Variants in TRIM24 observed in about 807,000 individuals in gnomAD.
TRIM24 encodes the protein transcription intermediary factor 1-alpha.
A neutral mutation model predicts 123.9 loss-of-function variants in TRIM24; 29 were observed. That is an observed-to-expected ratio of 0.23 (90% CI 0.17 to 0.32). The LOEUF is 0.32. TRIM24 is among the 10% of genes least tolerant of loss of function. TRIM24 has a pLI of 1.00. For synonymous variants in TRIM24, 456 were observed against 461.1 expected (o/e 0.99, Z 0.14); for missense variants, 932 against 1,295.3 (o/e 0.72, Z 4.31).
At position 138,584,951 on chromosome 7, in the gene TRIM24, AT is replaced by A; in HGVS notation, c.*1del. On this transcript the variant is annotated 3_prime_UTR_variant, in exon 19 of 19. Transcript: ENST00000343526. ...TTGAAGAACGCCAGTTGCTTAAATA[AT>A]ATGCAGCACCACTAGCTTGTGCTGG... The A allele has an allele frequency of 6.2e-7, 1 of 1,606,348 alleles. No homozygotes were observed. The highest frequency in any genetic ancestry group is 2.2e-5 in the East Asian group (1 of 44,814).
At chr7:138,483,711 T>A (rs190511658) in intron 1 of TRIM24, among the ~76,000 whole-genome samples, 1 of 152,312 alleles carries the variant, frequency 6.6e-6, no homozygotes, top group African/African-American at 2.4e-5. Context: ...GGCCACATGA[T>A]GGTTGCACTT....
intron 6 of TRIM24, among the ~76,000 whole-genome samples, chr7:138,533,198 A>C (rs150064564): frequency 0.014 from 2,105 of 152,192 alleles, 37 homozygotes; most frequent in African/African-American, 0.045. Context: ...AATTGAATAC[A>C]CTTTATTTCT....
intron 1 of TRIM24, among the ~76,000 whole-genome samples, chr7:138,490,375 C>A (rs554587747): frequency 2.0e-5 from 3 of 152,196 alleles, no homozygotes; most frequent in Non-Finnish European, 4.4e-5. Context: ...AGTTATTCTC[C>A]GTCCAGCTTT....
intron 7 of TRIM24, among the ~76,000 whole-genome samples, chr7:138,548,585 A>C (rs183709580): frequency 6.6e-6 from 1 of 152,328 alleles, no homozygotes. Flanking sequence ...CCTTACTTTT[A>C]GACTACATTA....
rs1319191639 is a variant in TRIM24 at position 138,589,389 on chromosome 7, C to T, written c.*4438C>T. On this transcript the variant is annotated 3_prime_UTR_variant, in exon 19 of 19. Transcript: ENST00000343526. Reference sequence around the variant, plus strand: ...TGGATTTTTACTGTCAATATTTTACCACAAGGATTTTTTAATAGAAAAATT... The same window carrying T: ...TGGATTTTTACTGTCAATATTTTACTACAAGGATTTTTTAATAGAAAAATT... The T allele has an allele frequency of 6.6e-6, 1 of 152,006 alleles. No homozygotes were observed. Among genetic ancestry groups the T allele is most frequent in the Non-Finnish European group, 1.5e-5 (1 of 68,000 alleles). The allele number at this position is 152,006 out of a possible 1,614,324, so 9.4% of individuals were successfully genotyped here.
At chr7:138,541,555 G>T (rs1205859025) in intron 7 of TRIM24, among the ~76,000 whole-genome samples, 1 of 152,124 alleles carries the variant, frequency 6.6e-6, no homozygotes, top group East Asian at 1.9e-4. Flanking sequence ...TTCACTTATA[G>T]AACACAAAAG....
chr7:138,576,299 G>T, intron 12 of TRIM24, 74 bp from the exon 13 acceptor site: 1 of 1,357,114 alleles, frequency 7.4e-7, no homozygotes, highest in Non-Finnish European at 1.1e-6. Flanking sequence ...GTAGTGCTAA[G>T]TGAACACATT....
chr7:138,567,448 T>G (rs754954123), intron 9 of TRIM24, 33 bp from the exon 10 acceptor site: 1 of 1,576,146 alleles, frequency 6.3e-7, no homozygotes, highest in East Asian at 2.3e-5. Flanking sequence ...AGAAGAAGAT[T>G]GTTACTAAAT....
intron 1 of TRIM24, among the ~76,000 whole-genome samples, chr7:138,498,416 G>C (rs1461353346): frequency 1.3e-5 from 2 of 151,806 alleles, no homozygotes; most frequent in Non-Finnish European, 2.9e-5. Flanking sequence ...GTAGAGACAG[G>C]GTTTCACCAT....
chr7:138,500,784 ACTTACACAAAC>A lies in TRIM24; in HGVS notation c.365-3503_365-3493del, dbSNP rs1796021254. Among the ~76,000 whole-genome samples the A allele has an allele frequency of 2.0e-5, 3 of 152,120 alleles. No individual in the cohort carries two copies. The South Asian group carries it at 6.2e-4, about 32-fold the overall frequency. ...TTGTTGTATAAGTATGATAGGGTGT[ACTTACACAAAC>A]CTATGTGGTTTAGCCTACTACACAC... On this transcript the variant is annotated intron_variant, in intron 1 of 18. Coordinates refer to ENST00000343526, the MANE Select transcript of TRIM24 (RefSeq NM_015905.3).
intron 1 of TRIM24, among the ~76,000 whole-genome samples, chr7:138,493,598 A>G (rs1795841714): frequency 6.6e-6 from 1 of 152,224 alleles, no homozygotes; most frequent in South Asian, 2.1e-4. Flanking sequence ...AGATGTCACC[A>G]GAGAAGCCGC....
chr7:138,496,000 C>T (rs2116509214), intron 1 of TRIM24, among the ~76,000 whole-genome samples: 1 of 152,306 alleles, frequency 6.6e-6, no homozygotes, highest in Non-Finnish European at 1.5e-5. Flanking sequence ...TACTGTAGCT[C>T]TATCCATAGT....
At position 138,551,104 on chromosome 7, in the gene TRIM24, T is replaced by C; in HGVS notation, c.1185T>C (p.Asp395=). 1 of 1,613,934 alleles carries C rather than the reference T, an allele frequency of 6.2e-7. No individual in the cohort carries two copies. The change falls in exon 8 of 19, where the codon GAT becomes GAC. Residue 395 remains aspartate, a synonymous_variant. Coordinates refer to ENST00000343526, the MANE Select transcript of TRIM24 (RefSeq NM_015905.3). The part of the protein sequence containing the change: ...RLRHLLRARC[D]ASPVTNNTIQ... ...GGCACCTCCTTCGTGCAAGGTGTGA[T>C]GCATCCCCAGTGACCAACAACACCA...
intron 1 of TRIM24, among the ~76,000 whole-genome samples, chr7:138,480,698 T>C (rs1795507055): frequency 6.6e-6 from 1 of 152,182 alleles, no homozygotes; most frequent in African/African-American, 2.4e-5. Context: ...AACGCTCAAG[T>C]TAACTTACCA....
At chr7:138,545,420 G>A in intron 7 of TRIM24, 2 of 456,722 alleles carry the variant, frequency 4.4e-6, no homozygotes, top group Non-Finnish European at 8.8e-6. Context: ...ATAAGTAAAT[G>A]GATTGAATAA....
rs577321561 is a variant in TRIM24 at position 138,561,023 on chromosome 7, C to A, written c.1530+6057C>A. On this transcript the variant is annotated intron_variant, in intron 9 of 18. Transcript: ENST00000343526. Reference sequence around the variant, plus strand: ...AGGAGTTCTTCCTCGTACTTTATTTCTTTGCCCCCAGCAGTTAAGGGTCCT... The same window carrying A: ...AGGAGTTCTTCCTCGTACTTTATTTATTTGCCCCCAGCAGTTAAGGGTCCT... 4.6e-5 allele frequency among the ~76,000 whole-genome samples: 7 copies of A among 152,308 alleles called. No homozygotes were observed. In the South Asian group the frequency reaches 1.4e-3, roughly 32 times the overall value.
At chr7:138,565,611 A>C (rs892491017) in intron 9 of TRIM24, among the ~76,000 whole-genome samples, 3 of 152,206 alleles carry the variant, frequency 2.0e-5, no homozygotes, top group Admixed American at 6.5e-5. Flanking sequence ...AAAATGTTTC[A>C]GGAATCAGAG....
chr7:138,565,058 T>C (rs112110015), intron 9 of TRIM24, among the ~76,000 whole-genome samples: 3,321 of 152,174 alleles, frequency 0.022, 105 homozygotes, highest in African/African-American at 0.073. Flanking sequence ...TGGAACACTG[T>C]TAGTCCCGGT....
At chr7:138,545,267 T>C (rs1246421014) in intron 7 of TRIM24, among the ~76,000 whole-genome samples, 1 of 152,110 alleles carries the variant, frequency 6.6e-6, no homozygotes, top group Non-Finnish European at 1.5e-5. Flanking sequence ...GCATGGTGAC[T>C]GAGGTCACTG....
Sources: allele counts gnomAD v4.1 joint callset (sites outside exome capture counted in the v4.1 genomes callset), GRCh38; gene constraint gnomAD v4.1.1; transcripts MANE v1.5; gene names NCBI Gene and HGNC (gene_info 2026-07-23, HGNC 2026-07-21).